Variants in PLCL2 observed in about 807,000 individuals in gnomAD.
PLCL2 encodes phospholipase C like 2.
Under a neutral mutation model 79.6 loss-of-function variants are expected in PLCL2, and 4 were observed. The observed-to-expected ratio is 0.05, with a 90% CI of 0.02 to 0.11. The LOEUF is 0.11. Ranked by LOEUF, PLCL2 falls within the 10% of genes least tolerant of loss-of-function variation. The pLI is 1.00. For synonymous variants in PLCL2, 484 were observed against 457.7 expected (o/e 1.06, Z -0.73); for missense variants, 895 against 1,291.0 (o/e 0.69, Z 4.70).
chr3:17,030,891 CCTT>C (rs1176621601), intron 3 of PLCL2, among the ~76,000 whole-genome samples: 1 of 152,144 alleles, frequency 6.6e-6, no homozygotes, highest in Non-Finnish European at 1.5e-5. Context: ...TTCTAAATCA[CCTT>C]CATCCCCTTG....
rs545205495 is a variant in PLCL2, at chr3:16,903,105, GACGATTTTTAAGTATTTTGAAA to G, written c.327+17741_327+17762del. The stretch of plus-strand genomic sequence containing the variant: ...TGGGCATATTTGCATGCCAGAGAGG[GACGATTTTTAAGTATTTTGAAA>G]AGGAGTATTCAGGTGAAGCAATTAT... On this transcript the variant is annotated intron_variant, in intron 1 of 5. Coordinates refer to ENST00000615277, the MANE Select transcript of PLCL2 (RefSeq NM_001144382.2). 4.3e-4 allele frequency among the ~76,000 whole-genome samples: 65 copies of G among 152,220 alleles called. 2 individuals carry two copies. The South Asian group carries it at 0.013, about 31-fold the overall frequency.
At chr3:16,936,154 TA>T (rs1697533352) in intron 1 of PLCL2, among the ~76,000 whole-genome samples, 1 of 152,180 alleles carries the variant, frequency 6.6e-6, no homozygotes, top group South Asian at 2.1e-4. Flanking sequence ...TCTTAGGAAA[TA>T]AAATGCCACA....
chr3:17,060,514 A>C (rs1341304067), intron 4 of PLCL2, among the ~76,000 whole-genome samples: 1 of 152,172 alleles, frequency 6.6e-6, no homozygotes, highest in African/African-American at 2.4e-5. Flanking sequence ...CACAAGGATT[A>C]GGATGTAAAC....
At chr3:16,965,997 A>G (rs1410962828) in intron 1 of PLCL2, among the ~76,000 whole-genome samples, 1 of 151,986 alleles carries the variant, frequency 6.6e-6, no homozygotes, top group African/African-American at 2.4e-5. Context: ...TTCCTAATTG[A>G]ATACCCTTTA....
At chr3:17,061,112 A>G (rs998435978) in intron 4 of PLCL2, among the ~76,000 whole-genome samples, 21 of 152,168 alleles carry the variant, frequency 1.4e-4, no homozygotes, top group African/African-American at 5.1e-4. Context: ...TTTTATTTTC[A>G]TATCATTTAG....
intron 5 of PLCL2, among the ~76,000 whole-genome samples, chr3:17,080,999 G>C (rs973656792): frequency 2.6e-5 from 4 of 152,216 alleles, no homozygotes; most frequent in Admixed American, 6.5e-5. Context: ...AAACATACCA[G>C]AGAGAAAGGT....
chr3:16,997,626 C>A (rs1030650181), intron 1 of PLCL2, among the ~76,000 whole-genome samples: 5 of 151,794 alleles, frequency 3.3e-5, no homozygotes, highest in African/African-American at 1.2e-4. Context: ...GCAACCTCCA[C>A]CTCCGGGGTT....
intron 1 of PLCL2, among the ~76,000 whole-genome samples, chr3:16,968,708 T>C (rs1395392230): frequency 6.6e-6 from 1 of 152,134 alleles, no homozygotes; most frequent in Non-Finnish European, 1.5e-5. Flanking sequence ...GAATCGTATG[T>C]CTGCAAACAG....
intron 1 of PLCL2, among the ~76,000 whole-genome samples, chr3:16,891,728 T>C (rs1332241188): frequency 6.6e-6 from 1 of 152,232 alleles, no homozygotes; most frequent in African/African-American, 2.4e-5. Context: ...CATCTCAGCT[T>C]GGACGATAAA....
intron 1 of PLCL2, among the ~76,000 whole-genome samples, chr3:16,956,986 G>A (rs1241374226): frequency 6.6e-6 from 1 of 152,140 alleles, no homozygotes; most frequent in Middle Eastern, 3.4e-3. Flanking sequence ...ACCAGCTCCT[G>A]GATTCATTAA....
At chr3:16,938,324 C>G (rs151262750) in intron 1 of PLCL2, among the ~76,000 whole-genome samples, 1 of 152,254 alleles carries the variant, frequency 6.6e-6, no homozygotes, top group East Asian at 1.9e-4. Context: ...TTACCAGCTT[C>G]CAATGATCAT....
chr3:16,996,017 T>C (rs1299551224), intron 1 of PLCL2, among the ~76,000 whole-genome samples: 1 of 152,042 alleles, frequency 6.6e-6, no homozygotes, highest in Non-Finnish European at 1.5e-5. Context: ...CATTTGGAGA[T>C]GAAAGGTTAG....
chr3:16,903,279 A>T (rs938605236), intron 1 of PLCL2, among the ~76,000 whole-genome samples: 1 of 151,752 alleles, frequency 6.6e-6, no homozygotes, highest in Non-Finnish European at 1.5e-5. Flanking sequence ...TATTTGAAAA[A>T]AATTATTTTT....
chr3:16,935,809 A>G (rs1233215144), intron 1 of PLCL2, among the ~76,000 whole-genome samples: 1 of 152,340 alleles, frequency 6.6e-6, no homozygotes, highest in Middle Eastern at 3.4e-3. Flanking sequence ...ATAAAAAAAG[A>G]AAGAATGGCT....
rs2064292288 is a variant in PLCL2, at chr3:17,009,009, G to C, written c.328-665G>C. ...ATTAATTTTTTTTTTTTTTGAGACGGATTCTCACTCTGTTGCCCAGGCTGG... is the reference window on the plus strand; with the variant it reads ...ATTAATTTTTTTTTTTTTTGAGACGCATTCTCACTCTGTTGCCCAGGCTGG... On this transcript the variant is annotated intron_variant, in intron 1 of 5. Transcript: ENST00000615277. This position sits in a 1 kb window ranked among gnomAD's most constrained non-coding sequence, Gnocchi z 4.0. 6.6e-6 allele frequency among the ~76,000 whole-genome samples: 1 copy of C among 151,288 alleles called. No homozygotes were observed. Among genetic ancestry groups the C allele is most frequent in the African/African-American group, 2.4e-5 (1 of 41,106 alleles).
intron 5 of PLCL2, among the ~76,000 whole-genome samples, chr3:17,081,700 T>C (rs2065163799): frequency 6.6e-6 from 1 of 152,192 alleles, no homozygotes; most frequent in Non-Finnish European, 1.5e-5. Flanking sequence ...GGAGCTGCCA[T>C]CATTCTTTTC....
At chr3:16,893,284 C>G (rs932897740) in intron 1 of PLCL2, among the ~76,000 whole-genome samples, 1 of 152,194 alleles carries the variant, frequency 6.6e-6, no homozygotes, top group South Asian at 2.1e-4. Context: ...TAGTTCTATG[C>G]ATTTTTAGGG....
rs187341204 is a variant in PLCL2 at position 16,916,876 on chromosome 3, G to A, written c.327+31510G>A. 3.0e-4 allele frequency among the ~76,000 whole-genome samples: 45 copies of A among 152,086 alleles called. 1 individual carries two copies. The highest frequency in any genetic ancestry group is 1.2e-3 in the South Asian group (6 of 4,814). On this transcript the variant is annotated intron_variant, in intron 1 of 5. Transcript: ENST00000615277. ...TGGCTTCCTTCTCTCTTTTGTGATC[G>A]TACATTATCCATGTGTCATCCTGTA...
intron 1 of PLCL2, among the ~76,000 whole-genome samples, chr3:16,965,171 T>A (rs188982945): frequency 6.6e-6 from 1 of 152,262 alleles, no homozygotes; most frequent in Non-Finnish European, 1.5e-5. Context: ...TTTAAGTCTT[T>A]AATCCATCTT....
Sources: gnomAD v4.1 joint callset for allele counts (sites outside exome capture counted in the v4.1 genomes callset) on GRCh38, gnomAD v4.1.1 for gene constraint, Gnocchi (gnomAD v3.1) non-coding constraint, MANE v1.5 for transcripts, NCBI Gene and HGNC (gene_info 2026-07-23, HGNC 2026-07-21) for gene names.